The following PITPNC1 variants were observed in gnomAD, a reference collection of about 807,000 sequenced individuals.
PITPNC1 encodes the protein phosphatidylinositol transfer protein cytoplasmic 1, also known as cytoplasmic phosphatidylinositol transfer protein 1.
In PITPNC1, 18 loss-of-function variants were observed where a neutral mutation model predicts 44.7. The ratio of observed to expected loss-of-function variants is 0.40; its 90% confidence interval spans 0.28 to 0.60. PITPNC1 has a LOEUF of 0.60. Among genes scored for constraint, PITPNC1 ranks in the 20% least tolerant of loss-of-function variants. The pLI is 0.39. For synonymous variants in PITPNC1, 141 were observed against 149.6 expected, an observed-to-expected ratio of 0.94 and a Z score of 0.42; for missense variants, 290 against 418.4, an observed-to-expected ratio of 0.69 and a Z score of 2.68.
intron 7 of PITPNC1, among the ~76,000 whole-genome samples, chr17:67,674,072 C>A (rs950870182): frequency 2.0e-5 from 3 of 150,412 alleles, no homozygotes; most frequent in Admixed American, 6.6e-5. Context: ...TTAGGGGGTA[C>A]ATGAGATGTT....
At chr17:67,520,162 G>A (rs949403786) in intron 1 of PITPNC1, among the ~76,000 whole-genome samples, 2 of 152,216 alleles carry the variant, frequency 1.3e-5, no homozygotes, top group South Asian at 2.1e-4. Context: ...GGGTTGATGG[G>A]TGCATTAGGC....
chr17:67,606,375 T>A (rs933906166), intron 5 of PITPNC1, among the ~76,000 whole-genome samples: 2 of 152,208 alleles, frequency 1.3e-5, no homozygotes, highest in Non-Finnish European at 2.9e-5. Flanking sequence ...ACCCTTTTTT[T>A]ACCCAGACCC....
chr17:67,557,780 C>T (rs1346047356), intron 4 of PITPNC1, among the ~76,000 whole-genome samples: 1 of 152,182 alleles, frequency 6.6e-6, no homozygotes, highest in Non-Finnish European at 1.5e-5. Context: ...CTTTCAGTTG[C>T]CTTAGTCTTT....
At chr17:67,614,727 A>G (rs2041735792) in intron 5 of PITPNC1, among the ~76,000 whole-genome samples, 1 of 151,604 alleles carries the variant, frequency 6.6e-6, no homozygotes, top group South Asian at 2.1e-4. Context: ...AAATGACATC[A>G]CAGCCCAGGC....
chr17:67,577,952 G>T (rs935597068), intron 4 of PITPNC1, among the ~76,000 whole-genome samples: 7 of 152,148 alleles, frequency 4.6e-5, no homozygotes, highest in African/African-American at 9.7e-5. Context: ...TCAGGGACTT[G>T]CCCTCTACTG....
intron 2 of PITPNC1, among the ~76,000 whole-genome samples, chr17:67,535,827 G>C (rs899598865): frequency 3.9e-5 from 6 of 152,240 alleles, no homozygotes; most frequent in Non-Finnish European, 7.3e-5. Flanking sequence ...AAGGGCATCG[G>C]GGGGACATCA....
intron 1 of PITPNC1, among the ~76,000 whole-genome samples, chr17:67,388,201 A>G (rs2038083182): frequency 6.6e-6 from 1 of 152,160 alleles, no homozygotes; most frequent in African/African-American, 2.4e-5. Flanking sequence ...CTCATTAAAA[A>G]ATTTCTTAGT....
At chr17:67,499,416 C>T (rs1359547408) in intron 1 of PITPNC1, among the ~76,000 whole-genome samples, 7 of 151,856 alleles carry the variant, frequency 4.6e-5, no homozygotes, top group Non-Finnish European at 7.4e-5. Context: ...GGGGTCTCAC[C>T]ATGTTGCCCA....
intron 8 of PITPNC1, among the ~76,000 whole-genome samples, chr17:67,682,116 G>T (rs1485305739): frequency 6.6e-6 from 1 of 152,000 alleles, no homozygotes; most frequent in Non-Finnish European, 1.5e-5. Context: ...CAGGAGAATC[G>T]CTTGAACCTG....
chr17:67,610,487 T>C (rs2041673334), intron 5 of PITPNC1, among the ~76,000 whole-genome samples: 1 of 152,224 alleles, frequency 6.6e-6, no homozygotes, highest in African/African-American at 2.4e-5. Context: ...CTTTTTTCTC[T>C]TACAAATTCT....
At chr17:67,543,473 C>T (rs369773231) in intron 2 of PITPNC1, among the ~76,000 whole-genome samples, 2 of 152,308 alleles carry the variant, frequency 1.3e-5, no homozygotes, top group Admixed American at 6.5e-5. Flanking sequence ...TAATCACTGA[C>T]GCTTGCTATT....
intron 4 of PITPNC1, among the ~76,000 whole-genome samples, chr17:67,557,157 G>A (rs556968967): frequency 6.6e-6 from 1 of 152,224 alleles, no homozygotes; most frequent in Admixed American, 6.5e-5. Flanking sequence ...CTGTCTTCCT[G>A]GTAAGCACGT....
rs117818705 is a variant in PITPNC1, at chr17:67,668,222, G to A, written c.463-1286G>A. Reference sequence around the variant, plus strand: ...TTTGCTTGTTCTTGAACTTCAATTTGAATCATACAATGTATATGCTATTGC... The same window carrying A: ...TTTGCTTGTTCTTGAACTTCAATTTAAATCATACAATGTATATGCTATTGC... On this transcript the variant is annotated intron_variant, in intron 6 of 8. Transcript: ENST00000581322. 6.8e-3 allele frequency among the ~76,000 whole-genome samples: 1,039 copies of A among 152,028 alleles called. 39 individuals are homozygous for A. The East Asian group carries it at 0.09, about 13-fold the overall frequency.
chr17:67,589,867 C>G (rs1286843190), intron 5 of PITPNC1, among the ~76,000 whole-genome samples: 3 of 152,068 alleles, frequency 2.0e-5, no homozygotes, highest in Non-Finnish European at 2.9e-5. Context: ...ACTCGGGAGG[C>G]TGAAGCAGGA....
At chr17:67,408,296 A>T (rs1314180544) in intron 1 of PITPNC1, among the ~76,000 whole-genome samples, 1 of 152,058 alleles carries the variant, frequency 6.6e-6, no homozygotes, top group Non-Finnish European at 1.5e-5. Context: ...CAGGCCAGGC[A>T]TGGTGACTCG....
chr17:67,441,286 C>CG (rs879316541), intron 1 of PITPNC1, among the ~76,000 whole-genome samples: 1 of 150,470 alleles, frequency 6.6e-6, no homozygotes, highest in Non-Finnish European at 1.5e-5. Context: ...AGCCCCCCCC[C>CG]GCCACCCATC....
chr17:67,529,156 C>T (rs1446296589), intron 1 of PITPNC1, among the ~76,000 whole-genome samples: 2 of 152,146 alleles, frequency 1.3e-5, no homozygotes, highest in East Asian at 1.9e-4. Context: ...TCAATGAGGC[C>T]GGCCGCCCAG....
chr17:67,562,089 A>C (rs1335453749), intron 4 of PITPNC1, among the ~76,000 whole-genome samples: 1 of 152,246 alleles, frequency 6.6e-6, no homozygotes, highest in Non-Finnish European at 1.5e-5. Flanking sequence ...CTAGAAGTGC[A>C]AGTGAGTAGC....
chr17:67,532,224 TG>T (rs993896105), intron 1 of PITPNC1, among the ~76,000 whole-genome samples: 1 of 152,050 alleles, frequency 6.6e-6, no homozygotes, highest in African/African-American at 2.4e-5. Context: ...GCTCCACTCA[TG>T]GGGGAGCCGG....
Sources: allele counts gnomAD v4.1 joint callset (sites outside exome capture counted in the v4.1 genomes callset), GRCh38; gene constraint gnomAD v4.1.1; transcripts MANE v1.5; gene names NCBI Gene and HGNC (gene_info 2026-07-23, HGNC 2026-07-21).